SLC8A2: variants seen among roughly 807,000 people sequenced by gnomAD.
The protein encoded by SLC8A2 is sodium/calcium exchanger 2.
In SLC8A2, 14 loss-of-function variants were observed where a neutral mutation model predicts 70.2. The observed-to-expected ratio is 0.20, with a 90% CI of 0.13 to 0.31. The LOEUF is 0.31. SLC8A2 is among the 10% of genes least tolerant of loss of function. SLC8A2 has a pLI of 1.00. For synonymous variants in SLC8A2, 575 were observed against 594.3 expected (o/e 0.97, Z 0.47); for missense variants, 779 against 1,320.1 (o/e 0.59, Z 6.35).
At chr19:47,470,345 TCATACACAC>T (rs1599862788) in intron 1 of SLC8A2, among the ~76,000 whole-genome samples, 3 of 109,142 alleles carry the variant, frequency 2.7e-5, no homozygotes, top group African/African-American at 6.0e-5. Context: ...CAGGGAGACA[TCATACACAC>T]ACACACACAC....
rs969900576 is a variant in SLC8A2 at position 47,428,733 on chromosome 19, T to C, written c.*1356A>G. On this transcript the variant is annotated 3_prime_UTR_variant, in exon 10 of 10. Coordinates refer to ENST00000236877, the MANE Select transcript of SLC8A2 (RefSeq NM_015063.3). ...ACAGAAAAGAGACAGCGACTGATGA[T>C]GAGCTGGGGGAGAGAAGGGTAGTGG... The C allele has an allele frequency of 3.3e-5, 5 of 152,520 alleles. No homozygotes were observed. Among genetic ancestry groups the C allele is most frequent in the African/African-American group, 1.2e-4 (5 of 41,386 alleles). 9.4% of individuals were successfully genotyped at this position (152,520 alleles called of 1,614,324 possible). A position where few individuals can be genotyped will look rare whatever the true frequency, so the allele number is the denominator to read the frequency against.
In SLC8A2 at chr19:47,466,920, G is replaced by A. The variant is rs545789729; in HGVS notation, c.-16-501C>T. On this transcript the variant is annotated intron_variant, in intron 1 of 9. Coordinates refer to ENST00000236877, the MANE Select transcript of SLC8A2 (RefSeq NM_015063.3). This position sits in a 1 kb window ranked among gnomAD's most constrained non-coding sequence, Gnocchi z 6.9. ...AAAAATACAAAAATTAGCTGGGCAG[G>A]GTGGCGGGAGCCTGTAACCCCAGCT... is the stretch of plus-strand genomic sequence containing the variant. 6.7e-4 allele frequency among the ~76,000 whole-genome samples: 102 copies of A among 152,178 alleles called. 1 individual carries two copies. The highest frequency in any genetic ancestry group is 1.3e-3 in the Non-Finnish European group (89 of 68,018).
chr19:47,448,303 C>A lies in SLC8A2; in HGVS notation c.1341-72G>T. On this transcript the variant is annotated intron_variant, in intron 3 of 9. Coordinates refer to ENST00000236877, the MANE Select transcript of SLC8A2 (RefSeq NM_015063.3). The surrounding 1 kb of genome is among the most constrained non-coding windows in gnomAD (Gnocchi z 4.8). The stretch of plus-strand genomic sequence containing the variant: ...CGGCTGTGTGTTGTACGGGGGGAGT[C>A]TGGACGTGCTTCCCAGAGGAGACGT... The A allele has an allele frequency of 8.4e-7, 1 of 1,186,884 alleles. No individual in the cohort carries two copies. The highest frequency in any genetic ancestry group is 1.4e-5 in the South Asian group (1 of 70,578). 73.5% of individuals were successfully genotyped at this position (1,186,884 alleles called of 1,614,324 possible).
chr19:47,471,112 C>T (rs988957356), intron 1 of SLC8A2, among the ~76,000 whole-genome samples: 1 of 138,700 alleles, frequency 7.2e-6, no homozygotes, highest in African/African-American at 2.7e-5. Flanking sequence ...GAGATGGAGA[C>T]GAGGGGGAGA....
intron 3 of SLC8A2, among the ~76,000 whole-genome samples, chr19:47,451,190 A>G (rs372600103): frequency 3.5e-4 from 53 of 151,740 alleles, no homozygotes; most frequent in African/African-American, 1.2e-3. Flanking sequence ...TTGTATCTTT[A>G]GTAGAGATGG....
Position 47,460,435 on chromosome 19 carries a change from C to T in SLC8A2, c.676-2841G>A, listed in dbSNP as rs184297116. ...TTGCCTGGCCAAGCGTGGTGGCTCACGCCTGTAATCCCAGCACTTTGGGAG... is the reference window on the plus strand; with the variant it reads ...TTGCCTGGCCAAGCGTGGTGGCTCATGCCTGTAATCCCAGCACTTTGGGAG... On this transcript the variant is annotated intron_variant, in intron 2 of 9. Transcript: ENST00000236877. Among the ~76,000 whole-genome samples the T allele has an allele frequency of 3.5e-4, 53 of 152,074 alleles. No individual in the cohort carries two copies. The South Asian group carries it at 4.4e-3, about 13-fold the overall frequency.
At chr19:47,471,310 G>A (rs904906376) in intron 1 of SLC8A2, among the ~76,000 whole-genome samples, 3 of 151,976 alleles carry the variant, frequency 2.0e-5, no homozygotes, top group South Asian at 2.1e-4. Flanking sequence ...AGGACTTAGA[G>A]ACAGAGCCCC....
rs1478821874 is a variant in SLC8A2 at position 47,430,652 on chromosome 19, C to A, written c.2390-187G>T. On this transcript the variant is annotated intron_variant, in intron 9 of 9. Transcript: ENST00000236877. This position sits in a 1 kb window ranked among gnomAD's most constrained non-coding sequence, Gnocchi z 5.9. ...CTTTAGGCCTGCTCGCCACTGGAAC[C>A]GCTGCCGGCTTTCTATGGGACCTGC... is the stretch of plus-strand genomic sequence containing the variant. Among the ~76,000 whole-genome samples, 1 of 152,258 alleles carries A rather than the reference C, an allele frequency of 6.6e-6. No individual in the cohort carries two copies. The highest frequency in any genetic ancestry group is 2.4e-5 in the African/African-American group (1 of 41,476).
intron 3 of SLC8A2, 121 bp downstream of exon 3, chr19:47,456,809 A>G: frequency 9.7e-7 from 1 of 1,031,606 alleles, no homozygotes; most frequent in East Asian, 2.8e-5. Flanking sequence ...GAATGAATGA[A>G]CAAATGAACC....
At position 47,432,941 on chromosome 19, in the gene SLC8A2, C is replaced by T. The variant is rs1225260365; in HGVS notation, c.2111-496G>A. On this transcript the variant is annotated intron_variant, in intron 8 of 9. Coordinates refer to ENST00000236877, the MANE Select transcript of SLC8A2 (RefSeq NM_015063.3). This position sits in a 1 kb window ranked among gnomAD's most constrained non-coding sequence, Gnocchi z 6.2. ...TGTGGCCAAGTCAGCAGCTAAAACC[C>T]ATTACTTTCCCAGAATCCCTTGAAG... Among the ~76,000 whole-genome samples the T allele has an allele frequency of 2.7e-5, 4 of 147,832 alleles. No homozygotes were observed. The highest frequency in any genetic ancestry group is 1.0e-4 in the African/African-American group (4 of 39,812).
Position 47,448,796 on chromosome 19 carries a change from C to T in SLC8A2, c.1341-565G>A, listed in dbSNP as rs1349723243. Reference sequence around the variant, plus strand: ...ATATAGGACCCAGAAAGGACTCTGTCATTCCTCTGATAAAAACCCTTCCCA... The same window carrying T: ...ATATAGGACCCAGAAAGGACTCTGTTATTCCTCTGATAAAAACCCTTCCCA... On this transcript the variant is annotated intron_variant, in intron 3 of 9. Coordinates refer to ENST00000236877, the MANE Select transcript of SLC8A2 (RefSeq NM_015063.3). The surrounding 1 kb of genome is among the most constrained non-coding windows in gnomAD (Gnocchi z 4.8). Among the ~76,000 whole-genome samples the T allele has an allele frequency of 6.6e-6, 1 of 152,186 alleles. No homozygotes were observed. The highest frequency in any genetic ancestry group is 2.4e-5 in the African/African-American group (1 of 41,440).
At chr19:47,458,403 T>G (rs954169845) in intron 2 of SLC8A2, among the ~76,000 whole-genome samples, 10 of 147,712 alleles carry the variant, frequency 6.8e-5, no homozygotes, top group African/African-American at 2.5e-4. Context: ...TCTTCATGTC[T>G]GCCTTTCCCC....
intron 3 of SLC8A2, among the ~76,000 whole-genome samples, chr19:47,452,439 AGAGAGAGTGTGTGTGTGT>A (rs1568444549): frequency 5.1e-5 from 4 of 77,838 alleles, no homozygotes; most frequent in Non-Finnish European, 1.0e-4. Flanking sequence ...AGAGAGAGAG[AGAGAGAGTGTGTGTGTGT>A]GTGTGTGTGT....
chr19:47,459,905 C>T (rs968218840), intron 2 of SLC8A2, among the ~76,000 whole-genome samples: 3 of 152,086 alleles, frequency 2.0e-5, no homozygotes, highest in Admixed American at 1.3e-4. Flanking sequence ...GCCAGGAACC[C>T]GGACATCCTC....
rs145933701 is a variant in SLC8A2, at chr19:47,466,197, C to T, written c.207G>A (p.Ala69=). ...EPDDPSLGDK[A]ARAVVYFVAM... is the part of the protein sequence containing the mutation. ...CCACAAAGTACACCACTGCCCGTGC[C>T]GCCTTGTCACCCAGCGACGGGTCGT... Residue 69 remains alanine (A), a synonymous_variant, in exon 2 of 10, where the codon GCG becomes GCA. Transcript: ENST00000236877. This position sits in a 1 kb window ranked among gnomAD's most constrained non-coding sequence, Gnocchi z 6.9. The T allele has an allele frequency of 3.3e-4, 531 of 1,613,012 alleles. No individual in the cohort carries two copies. The highest frequency in any genetic ancestry group is 7.0e-4 in the Admixed American group (42 of 60,018).
intron 2 of SLC8A2, among the ~76,000 whole-genome samples, chr19:47,464,883 G>T (rs1343537062): frequency 2.6e-5 from 4 of 152,244 alleles, no homozygotes; most frequent in African/African-American, 9.6e-5. Context: ...TACATAGTAT[G>T]CGAGTTAAGA....
At chr19:47,443,133 C>T (rs185283073) in intron 4 of SLC8A2, among the ~76,000 whole-genome samples, 142 of 152,340 alleles carry the variant, frequency 9.3e-4, no homozygotes, top group African/African-American at 3.3e-3. Context: ...CCAGAACAGT[C>T]CCTGGCATAG....
chr19:47,436,735 G>A (rs1967033829), intron 8 of SLC8A2, among the ~76,000 whole-genome samples: 1 of 152,124 alleles, frequency 6.6e-6, no homozygotes, highest in Admixed American at 6.6e-5. Context: ...AGTCTCCCCA[G>A]TCCATATCAC....
In SLC8A2 at chr19:47,430,778, G is replaced by A. The variant is rs1306324769; in HGVS notation, c.2390-313C>T. Among the ~76,000 whole-genome samples, 2 of 152,136 alleles carry A rather than the reference G, an allele frequency of 1.3e-5. No individual in the cohort carries two copies. The highest frequency in any genetic ancestry group is 2.9e-5 in the Non-Finnish European group (2 of 68,020). On this transcript the variant is annotated intron_variant, in intron 9 of 9. Coordinates refer to ENST00000236877, the MANE Select transcript of SLC8A2 (RefSeq NM_015063.3). This position sits in a 1 kb window ranked among gnomAD's most constrained non-coding sequence, Gnocchi z 5.9. ...GTTTTGCTCTGTCACCCAGGCTGGAGTGCAGTGGCGTGATCTCAGCTCACT... is the reference window on the plus strand; with the variant it reads ...GTTTTGCTCTGTCACCCAGGCTGGAATGCAGTGGCGTGATCTCAGCTCACT...
Sources: allele counts gnomAD v4.1 joint callset (sites outside exome capture counted in the v4.1 genomes callset), GRCh38; gene constraint gnomAD v4.1.1; non-coding constraint Gnocchi (gnomAD v3.1); transcripts MANE v1.5; gene names NCBI Gene and HGNC (gene_info 2026-07-23, HGNC 2026-07-21).